DPP6: variants seen among roughly 807,000 people sequenced by gnomAD.
DPP6 encodes A-type potassium channel modulatory protein DPP6.
DPP6 carries 69 observed loss-of-function variants against 122.6 expected under a neutral mutation model. That is an observed-to-expected ratio of 0.56 (90% CI 0.46 to 0.69). The LOEUF (loss-of-function observed/expected upper bound fraction) is 0.69. Among genes scored for constraint, DPP6 ranks in the 30% least tolerant of loss-of-function variants. The pLI is 0.00. For synonymous variants in DPP6, 418 were observed against 433.1 expected, an observed-to-expected ratio of 0.97 and a Z score of 0.43; for missense variants, 928 against 1,116.9, an observed-to-expected ratio of 0.83 and a Z score of 2.41.
Position 154,451,413 on chromosome 7 carries a change from A to G in DPP6, c.358+5085A>G, listed in dbSNP as rs1288430222. On this transcript the variant is annotated intron_variant, in intron 2 of 25. Transcript: ENST00000377770. ...TAAATGGCTGCCCGGAGCTTCTTAC[A>G]CCGAAATGTCCACAGCAGCAAAGCG... Among the ~76,000 whole-genome samples the G allele has an allele frequency of 2.0e-5, 3 of 149,940 alleles. No individual in the cohort carries two copies. The East Asian group carries it at 5.9e-4, about 29-fold the overall frequency.
At position 154,290,647 on chromosome 7, in the gene DPP6, CA is replaced by C. The variant is rs36088986; in HGVS notation, c.244-155551del. ...TGTGACAAGAGCAAAACTCTGTCTC[CA>C]AAAAAAAAAAAAAAATTCCCTCTTG... On this transcript the variant is annotated intron_variant, in intron 1 of 25. Coordinates refer to ENST00000377770, the MANE Select transcript of DPP6 (RefSeq NM_130797.4). Among the ~76,000 whole-genome samples, 1,303 of 133,750 alleles carry C rather than the reference CA, an allele frequency of 9.7e-3. 2 individuals are homozygous for C. Among genetic ancestry groups the C allele is most frequent in the Non-Finnish European group, 0.014 (830 of 61,354 alleles). 87.7% of individuals were successfully genotyped at this position (133,750 alleles called of 152,430 possible).
chr7:154,853,661 G>C (rs909124881), intron 16 of DPP6, 119 bp from the exon 17 acceptor site: 1 of 1,388,928 alleles, frequency 7.2e-7, no homozygotes, highest in Non-Finnish European at 9.7e-7. Flanking sequence ...GCATGAATTC[G>C]GGTTCTCCAG....
chr7:154,382,256 T>C (rs1485872186), intron 1 of DPP6, among the ~76,000 whole-genome samples: 1 of 152,026 alleles, frequency 6.6e-6, no homozygotes, highest in Non-Finnish European at 1.5e-5. Context: ...GCTGCAATCT[T>C]GGCTCACTGC....
Position 154,655,746 on chromosome 7 carries a change from G to T in DPP6, c.681-13614G>T, listed in dbSNP as rs373290154. ...CAAGGTGGGGCCAGGGACTTCTCCC[G>T]CAGGAAGCCGGCTCAGGCCAGAAGC... On this transcript the variant is annotated intron_variant, in intron 6 of 25. Transcript: ENST00000377770. Among the ~76,000 whole-genome samples the T allele has an allele frequency of 4.1e-4, 62 of 152,338 alleles. No homozygotes were observed. In the Middle Eastern group the frequency reaches 0.01, roughly 25 times the overall value.
chr7:154,343,429 A>G (rs146893669), intron 1 of DPP6, among the ~76,000 whole-genome samples: 114 of 152,342 alleles, frequency 7.5e-4, no homozygotes, highest in African/African-American at 2.4e-3. Flanking sequence ...TGATTTTGAG[A>G]CAGTTTGGGT....
At position 154,553,247 on chromosome 7, in the gene DPP6, T is replaced by C. The variant is rs1009089332; in HGVS notation, c.552+12621T>C. Among the ~76,000 whole-genome samples, 14 of 152,340 alleles carry C rather than the reference T, an allele frequency of 9.2e-5. No homozygotes were observed. In the South Asian group the frequency reaches 2.1e-3, roughly 23 times the overall value. On this transcript the variant is annotated intron_variant, in intron 4 of 25. Transcript: ENST00000377770. ...TTTAAGTTACATCACAGGAGTAGAA[T>C]TGATAACACTTGGCTTCACTTTGTG...
At chr7:153,957,349 C>T (rs1802507625) in intron 1 of DPP6, among the ~76,000 whole-genome samples, 1 of 152,218 alleles carries the variant, frequency 6.6e-6, no homozygotes, top group South Asian at 2.1e-4. Flanking sequence ...TGTCTACAAA[C>T]AGAAAACAAG....
intron 16 of DPP6, among the ~76,000 whole-genome samples, chr7:154,837,381 TGCAC>T (rs1000214690): frequency 4.7e-4 from 71 of 152,202 alleles, no homozygotes; most frequent in African/African-American, 1.7e-3. Context: ...CATTCACACA[TGCAC>T]GCACACATGC....
chr7:153,802,233 C>T, the DPP6 span, among the ~76,000 whole-genome samples: 1 of 152,106 alleles, frequency 6.6e-6, no homozygotes, highest in Admixed American at 6.6e-5. Context: ...TTACCTCTGA[C>T]AAGGGAATAA....
chr7:153,886,671 C>A (rs1480577610), upstream of DPP6, among the ~76,000 whole-genome samples: 1 of 152,182 alleles, frequency 6.6e-6, no homozygotes, highest in Admixed American at 6.5e-5. Context: ...CTGGAATTGC[C>A]GCGGCGGCGG....
chr7:153,828,418 G>C, the DPP6 span, among the ~76,000 whole-genome samples: 1 of 152,168 alleles, frequency 6.6e-6, no homozygotes, highest in Admixed American at 6.5e-5. Flanking sequence ...TGAGGGAAGG[G>C]TGGGCACCTG....
At chr7:154,698,700 A>G (rs1208488060) in intron 7 of DPP6, among the ~76,000 whole-genome samples, 2 of 152,204 alleles carry the variant, frequency 1.3e-5, no homozygotes, top group Non-Finnish European at 2.9e-5. Flanking sequence ...TTATCTTTTA[A>G]TGTCTTGGTG....
At chr7:154,305,508 A>G (rs1177824565) in intron 1 of DPP6, 2 of 1,604,484 alleles carry the variant, frequency 1.2e-6, no homozygotes, top group Middle Eastern at 3.3e-4. Context: ...ACCACAGCCA[A>G]GGAGCCAAGC....
At chr7:154,144,606 G>C (rs1429662520) in intron 1 of DPP6, among the ~76,000 whole-genome samples, 1 of 148,632 alleles carries the variant, frequency 6.7e-6, no homozygotes, top group Non-Finnish European at 1.5e-5. Context: ...GAAAGATTTA[G>C]AAGAATGGCA....
At chr7:154,633,829 C>T (rs1242348977) in intron 5 of DPP6, among the ~76,000 whole-genome samples, 1 of 152,082 alleles carries the variant, frequency 6.6e-6, no homozygotes, top group Admixed American at 6.6e-5. Flanking sequence ...CTTCCCACTT[C>T]CCCATTTTTT....
chr7:154,560,054 C>G (rs1379986097), intron 4 of DPP6, among the ~76,000 whole-genome samples: 1 of 150,926 alleles, frequency 6.6e-6, no homozygotes, highest in Non-Finnish European at 1.5e-5. Context: ...TAAACCTATA[C>G]TATGAGAAAC....
chr7:154,432,719 G>T (rs1818529528), intron 1 of DPP6, among the ~76,000 whole-genome samples: 2 of 152,156 alleles, frequency 1.3e-5, no homozygotes, highest in Non-Finnish European at 2.9e-5. Flanking sequence ...TGCATGCTGA[G>T]CGTGGGTTTC....
At chr7:154,232,438 T>C (rs1163228089) in intron 1 of DPP6, among the ~76,000 whole-genome samples, 1 of 152,166 alleles carries the variant, frequency 6.6e-6, no homozygotes, top group Non-Finnish European at 1.5e-5. Flanking sequence ...CCTCAATCCC[T>C]GGAAAGTAGA....
chr7:154,216,257 G>A (rs963375894), intron 1 of DPP6, among the ~76,000 whole-genome samples: 4 of 152,182 alleles, frequency 2.6e-5, no homozygotes, highest in Non-Finnish European at 5.9e-5. Context: ...ATTCATCCCC[G>A]GCGGACATGC....
Sources: gnomAD v4.1 joint callset for allele counts (sites outside exome capture counted in the v4.1 genomes callset) on GRCh38, gnomAD v4.1.1 for gene constraint, MANE v1.5 for transcripts, NCBI Gene and HGNC (gene_info 2026-07-23, HGNC 2026-07-21) for gene names.